PRR16: variants seen among roughly 807,000 people sequenced by gnomAD.
PRR16 encodes the protein proline rich 16, also known as protein Largen.
In PRR16, 6 loss-of-function variants were observed where a neutral mutation model predicts 18.2. That is an observed-to-expected ratio of 0.33 (90% confidence interval 0.18 to 0.65). The LOEUF is 0.65. Ranked by LOEUF, PRR16 falls within the 30% of genes least tolerant of loss-of-function variation. PRR16 has a pLI of 0.74. For synonymous variants in PRR16, 151 were observed against 147.8 expected, an observed-to-expected ratio of 1.02 and a Z score of -0.16; for missense variants, 412 against 376.6, an observed-to-expected ratio of 1.09 and a Z score of -0.78.
chr5:120,741,143 A>G, the PRR16 span, among the ~76,000 whole-genome samples: 1 of 152,010 alleles, frequency 6.6e-6, no homozygotes. Context: ...TTTTATATAT[A>G]TAGAAGTACA....
chr5:120,692,554 T>G, the PRR16 span, among the ~76,000 whole-genome samples: 3 of 152,204 alleles, frequency 2.0e-5, no homozygotes, highest in South Asian at 6.2e-4. Flanking sequence ...CACATGGTCT[T>G]GTTTGTAGTC....
chr5:120,768,450 T>TA, the PRR16 span, among the ~76,000 whole-genome samples: 196 of 151,614 alleles, frequency 1.3e-3, 1 homozygote, highest in South Asian at 4.2e-3. Flanking sequence ...AGTTATTTGG[T>TA]AAAAAAATAT....
chr5:120,533,011 G>C (rs1751600580), intron 1 of PRR16, among the ~76,000 whole-genome samples: 1 of 152,146 alleles, frequency 6.6e-6, no homozygotes, highest in South Asian at 2.1e-4. Flanking sequence ...GCAGATTATT[G>C]CTTCCTTGCT....
At chr5:120,744,731 A>G in the PRR16 span, among the ~76,000 whole-genome samples, 1 of 152,182 alleles carries the variant, frequency 6.6e-6, no homozygotes, top group Non-Finnish European at 1.5e-5. Context: ...ATTTTTGCAT[A>G]TATTTGTCAT....
chr5:120,785,590 T>TTTTTTTTTTTTTTA, the PRR16 span, among the ~76,000 whole-genome samples: 1 of 144,406 alleles, frequency 6.9e-6, no homozygotes, highest in Non-Finnish European at 1.5e-5. Context: ...TTTTTTTTTT[T>TTTTTTTTTTTTTTA]GAGACAGAGT....
the PRR16 span, among the ~76,000 whole-genome samples, chr5:120,788,864 T>C: frequency 6.6e-6 from 1 of 152,126 alleles, no homozygotes; most frequent in African/African-American, 2.4e-5. Flanking sequence ...TTTTTGATTG[T>C]TCATTTAGAT....
chr5:120,637,793 C>T (rs1007966504), intron 1 of PRR16, among the ~76,000 whole-genome samples: 1 of 152,086 alleles, frequency 6.6e-6, no homozygotes, highest in Admixed American at 6.6e-5. Context: ...TGCATTCATG[C>T]CACCACACTC....
At chr5:120,553,330 GGAA>G (rs1260751109) in intron 1 of PRR16, among the ~76,000 whole-genome samples, 1 of 151,826 alleles carries the variant, frequency 6.6e-6, no homozygotes, top group African/African-American at 2.4e-5. Context: ...CTCAAACCCA[GGAA>G]GAAGGATTGT....
chr5:120,729,358 C>T, the PRR16 span, among the ~76,000 whole-genome samples: 1 of 152,186 alleles, frequency 6.6e-6, no homozygotes, highest in South Asian at 2.1e-4. Flanking sequence ...TTCTTACCTA[C>T]TAAAGTGGCA....
chr5:120,659,496 ACATT>A (rs948670677), intron 1 of PRR16, among the ~76,000 whole-genome samples: 1 of 152,058 alleles, frequency 6.6e-6, no homozygotes. Flanking sequence ...ATATTTTGAT[ACATT>A]CATGTGATAT....
chr5:120,665,642 T>G (rs1436033544), intron 1 of PRR16, among the ~76,000 whole-genome samples: 1 of 152,124 alleles, frequency 6.6e-6, no homozygotes, highest in Admixed American at 6.6e-5. Context: ...GTGTAAGGTG[T>G]AAGGAAGGGA....
the PRR16 span, among the ~76,000 whole-genome samples, chr5:120,763,555 C>G: frequency 2.0e-5 from 3 of 151,992 alleles, no homozygotes; most frequent in African/African-American, 7.3e-5. Context: ...CTTTTGGTTC[C>G]ATATTAATTT....
intron 1 of PRR16, among the ~76,000 whole-genome samples, chr5:120,478,608 C>G (rs1749515317): frequency 2.0e-5 from 3 of 152,120 alleles, no homozygotes; most frequent in South Asian, 2.1e-4. Context: ...GACATTTTGT[C>G]TATGTAAACC....
chr5:120,468,870 A>G (rs1234512932), intron 1 of PRR16, among the ~76,000 whole-genome samples: 1 of 152,236 alleles, frequency 6.6e-6, no homozygotes, highest in East Asian at 1.9e-4. Flanking sequence ...TAACAAGGCT[A>G]CTATATGAGT....
chr5:120,735,684 G>A, the PRR16 span, among the ~76,000 whole-genome samples: 2 of 151,992 alleles, frequency 1.3e-5, no homozygotes, highest in Non-Finnish European at 2.9e-5. Flanking sequence ...TGTTGTTATT[G>A]TTGAGTTATA....
At chr5:120,501,246 C>T (rs944876764) in intron 1 of PRR16, among the ~76,000 whole-genome samples, 6 of 152,098 alleles carry the variant, frequency 3.9e-5, no homozygotes, top group African/African-American at 9.7e-5. Context: ...AATTTAATAA[C>T]ACAAATTAAT....
At chr5:120,532,752 T>G (rs1751591122) in intron 1 of PRR16, among the ~76,000 whole-genome samples, 1 of 152,214 alleles carries the variant, frequency 6.6e-6, no homozygotes, top group African/African-American at 2.4e-5. Context: ...TTTTTAAGAA[T>G]TAACTTTTAA....
intron 1 of PRR16, among the ~76,000 whole-genome samples, chr5:120,497,753 A>T (rs894730540): frequency 6.6e-6 from 1 of 151,906 alleles, no homozygotes; most frequent in East Asian, 1.9e-4. Context: ...TAATGATAAC[A>T]TAGACAACAT....
intron 1 of PRR16, among the ~76,000 whole-genome samples, chr5:120,653,491 T>A (rs1755862481): frequency 6.6e-6 from 1 of 151,984 alleles, no homozygotes; most frequent in Non-Finnish European, 1.5e-5. Flanking sequence ...ATTTTTACCA[T>A]GTCTGTTTTT....
Sources: gnomAD v4.1 joint callset for allele counts (sites outside exome capture counted in the v4.1 genomes callset) on GRCh38, gnomAD v4.1.1 for gene constraint, MANE v1.5 for transcripts, NCBI Gene and HGNC (gene_info 2026-07-23, HGNC 2026-07-21) for gene names.